Variants in PDCD1 observed in about 807,000 individuals in gnomAD.
The protein encoded by PDCD1 is programmed cell death protein 1.
Under a neutral mutation model 23.6 loss-of-function variants are expected in PDCD1, and 10 were observed. The ratio of observed to expected loss-of-function variants is 0.42; its 90% CI spans 0.26 to 0.72. The LOEUF (loss-of-function observed/expected upper bound fraction) is 0.72. Ranked by LOEUF, PDCD1 falls within the 30% of genes least tolerant of loss-of-function variation. The pLI, the probability that PDCD1 is intolerant of heterozygous loss-of-function variation, is 0.24. For synonymous variants in PDCD1, 168 were observed against 169.3 expected, an observed-to-expected ratio of 0.99 and a Z score of 0.06; for missense variants, 313 against 397.8, an observed-to-expected ratio of 0.79 and a Z score of 1.81.
In PDCD1 at chr2:241,851,259, G is replaced by A; in HGVS notation, c.666C>T (p.Asp222=). ...DPSAVPVFSV[D]YGELDFQWRE... ...GCCACTGGAAATCCAGCTCCCCATA[G>A]TCCACAGAGAACACAGGCACGGCTG... The change falls in exon 5 of 5, where the codon GAC becomes GAT. Residue 222 remains aspartate, a synonymous_variant. Transcript: ENST00000334409. 2.5e-6 allele frequency: 4 copies of A among 1,613,768 alleles called. No individual in the cohort carries two copies. The highest frequency in any genetic ancestry group is 3.4e-6 in the Non-Finnish European group (4 of 1,179,892).
At chr2:241,858,685 C>A (rs1575403414) in intron 1 of PDCD1, 78 bp downstream of exon 1, 11 of 1,319,390 alleles carry the variant, frequency 8.3e-6, no homozygotes, top group African/African-American at 7.3e-5. Context: ...TCAGCACCCC[C>A]CGACCTGCCA....
At chr2:241,857,329 G>A (rs1275258626) in intron 1 of PDCD1, among the ~76,000 whole-genome samples, 3 of 152,228 alleles carry the variant, frequency 2.0e-5, no homozygotes, top group Admixed American at 6.5e-5. Flanking sequence ...ACCTGTGAGA[G>A]TCTTGTCCGG....
Position 241,858,744 on chromosome 2 carries a change from G to A in PDCD1, c.76+19C>T. The A allele has an allele frequency of 6.4e-7, 1 of 1,572,776 alleles. No homozygotes were observed. The highest frequency in any genetic ancestry group is 1.2e-5 in the South Asian group (1 of 85,590). ...CCAGACCCCTGGCTCTGGGACACCTGACCGCCGACCCCACCTACCTAAGAA... is the reference window on the plus strand; with the variant it reads ...CCAGACCCCTGGCTCTGGGACACCTAACCGCCGACCCCACCTACCTAAGAA... On this transcript the variant is annotated intron_variant, in intron 1 of 4. Transcript: ENST00000334409.
At position 241,851,977 on chromosome 2, in the gene PDCD1, A is replaced by G. The variant is rs780608919; in HGVS notation, c.599T>C (p.Ile200Thr). ...GGGCTGGCCGGTGCGCCTGGCTCCTATTGTCCCTGCAGAGAAACACACTTG... is the reference window on the plus strand; with the variant it reads ...GGGCTGGCCGGTGCGCCTGGCTCCTGTTGTCCCTGCAGAGAAACACACTTG... ...VICSRAARGT[I>T]GARRTGQPLK... The change falls in exon 4 of 5, where the codon ATA becomes ACA. Residue 200 changes from isoleucine to threonine, a missense_variant. Transcript: ENST00000334409. 3.2e-5 allele frequency: 51 copies of G among 1,612,764 alleles called. No individual in the cohort carries two copies. The highest frequency in any genetic ancestry group is 4.5e-5 in the East Asian group (2 of 44,790).
Position 241,851,371 on chromosome 2 carries a change from G to T in PDCD1, c.628-74C>A, listed in dbSNP as rs563265314. 1.1e-4 allele frequency: 162 copies of T among 1,501,148 alleles called. 2 individuals carry two copies. Among genetic ancestry groups the T allele is most frequent in the South Asian group, 5.8e-4 (46 of 78,828 alleles). The allele number at this position is 1,501,148 out of a possible 1,614,324, so 93.0% of individuals were successfully genotyped here. On this transcript the variant is annotated intron_variant, in intron 4 of 4. Coordinates refer to ENST00000334409, the MANE Select transcript of PDCD1 (RefSeq NM_005018.3). Reference sequence around the variant, plus strand: ...AGGAGGCCCGCGGCTCCACAGCCTGGCTGCAGTACCGGCACCGAACCTGGG... The same window carrying T: ...AGGAGGCCCGCGGCTCCACAGCCTGTCTGCAGTACCGGCACCGAACCTGGG...
intron 1 of PDCD1, among the ~76,000 whole-genome samples, chr2:241,858,082 C>A (rs74000565): frequency 1.3e-5 from 2 of 152,116 alleles, no homozygotes; most frequent in Non-Finnish European, 2.9e-5. Context: ...GCCTCCCCCA[C>A]GGATGGTCTG....
chr2:241,852,553 T>G, intron 2 of PDCD1, 68 bp downstream of exon 2: 1 of 1,558,096 alleles, frequency 6.4e-7, no homozygotes, highest in Non-Finnish European at 8.7e-7. Flanking sequence ...CCTGATCCTG[T>G]GCAGGAGGGG....
rs1201380182 is a variant in PDCD1, at chr2:241,850,248, C to T, written c.*810G>A. 2.1e-5 allele frequency: 5 copies of T among 233,342 alleles called. No individual in the cohort carries two copies. The highest frequency in any genetic ancestry group is 4.2e-5 in the Non-Finnish European group (5 of 118,166). The allele number at this position is 233,342 out of a possible 1,614,324, so 14.5% of individuals were successfully genotyped here. On this transcript the variant is annotated 3_prime_UTR_variant, in exon 5 of 5. Coordinates refer to ENST00000334409, the MANE Select transcript of PDCD1 (RefSeq NM_005018.3). ...AGCTGGGAGGGGCCTGAGTCAACCCCAGCCCTGCCCTCCTGACCTTGGGAC... is the reference window on the plus strand; with the variant it reads ...AGCTGGGAGGGGCCTGAGTCAACCCTAGCCCTGCCCTCCTGACCTTGGGAC...
chr2:241,852,544 C>T (rs1190475607), intron 2 of PDCD1, 77 bp downstream of exon 2: 5 of 1,536,694 alleles, frequency 3.3e-6, no homozygotes, highest in African/African-American at 1.4e-5. Flanking sequence ...CCTGGAGCTC[C>T]TGATCCTGTG....
chr2:241,851,299 T>A lies in PDCD1; in HGVS notation c.628-2A>T, dbSNP rs763477932. 21 of 1,602,036 alleles carry A rather than the reference T, an allele frequency of 1.3e-5. No homozygotes were observed. Among genetic ancestry groups the A allele is most frequent in the Non-Finnish European group, 8.5e-7 (1 of 1,172,346 alleles). ...AGGCACGGCTGAGGGGTCCTCCTTC[T>A]TTGAGGAGAAAGGGAGAGGGAGTCA... On this transcript the variant is annotated splice_acceptor_variant, in intron 4 of 4. Transcript: ENST00000334409. LOFTEE classifies it high-confidence loss of function.
chr2:241,853,593 G>A (rs1033360424), intron 1 of PDCD1, among the ~76,000 whole-genome samples: 3 of 152,374 alleles, frequency 2.0e-5, no homozygotes, highest in South Asian at 2.1e-4. Context: ...CTTCAGAGAC[G>A]AGATGGGCCA....
chr2:241,857,402 G>C (rs891969050), intron 1 of PDCD1, among the ~76,000 whole-genome samples: 4 of 152,158 alleles, frequency 2.6e-5, no homozygotes, highest in African/African-American at 9.7e-5. Context: ...TATCTTTCCC[G>C]CCTGGGTCGG....
intron 1 of PDCD1, among the ~76,000 whole-genome samples, chr2:241,853,593 G>T (rs1033360424): frequency 2.0e-5 from 3 of 152,256 alleles, no homozygotes; most frequent in African/African-American, 7.2e-5. Context: ...CTTCAGAGAC[G>T]AGATGGGCCA....
At position 241,854,625 on chromosome 2, in the gene PDCD1, C is replaced by A. The variant is rs576181356; in HGVS notation, c.77-1645G>T. Among the ~76,000 whole-genome samples, 247 of 152,300 alleles carry A rather than the reference C, an allele frequency of 1.6e-3. 1 individual carries two copies. The highest frequency in any genetic ancestry group is 5.6e-3 in the African/African-American group (234 of 41,564). ...GGGACAGGGTGGGCTGCAGCCCTTACTGGGCCTAGGCTGGGGCTGGGTGGA... is the reference window on the plus strand; with the variant it reads ...GGGACAGGGTGGGCTGCAGCCCTTAATGGGCCTAGGCTGGGGCTGGGTGGA... On this transcript the variant is annotated intron_variant, in intron 1 of 4. Transcript: ENST00000334409.
Position 241,853,250 on chromosome 2 carries a change from T to G in PDCD1, c.77-270A>C, listed in dbSNP as rs1047721416. 3.4e-5 allele frequency among the ~76,000 whole-genome samples: 5 copies of G among 146,608 alleles called. No individual in the cohort carries two copies. The East Asian group carries it at 9.7e-4, about 28-fold the overall frequency. On this transcript the variant is annotated intron_variant, in intron 1 of 4. Transcript: ENST00000334409. ...TTTCCTACTAAGAGCCTTCACCCCC[T>G]TCCCCGTTGAGGCCAGTTCCCCCAG...
At chr2:241,855,855 G>C (rs554321868) in intron 1 of PDCD1, among the ~76,000 whole-genome samples, 1 of 152,130 alleles carries the variant, frequency 6.6e-6, no homozygotes, top group Non-Finnish European at 1.5e-5. Flanking sequence ...CCTCACAGTC[G>C]TGTGTGTGTG....
chr2:241,850,989 C>T lies in PDCD1; in HGVS notation c.*69G>A. The T allele has an allele frequency of 6.5e-7, 1 of 1,545,358 alleles. No individual in the cohort carries two copies. The highest frequency in any genetic ancestry group is 1.2e-5 in the South Asian group (1 of 80,372). ...AATGGCCTGCACCCTGCCTGCTTCT[C>T]CTGAGGAAATGCGCTGACCCGGGCT... On this transcript the variant is annotated 3_prime_UTR_variant, in exon 5 of 5. Coordinates refer to ENST00000334409, the MANE Select transcript of PDCD1 (RefSeq NM_005018.3).
In PDCD1 at chr2:241,851,207, G is replaced by A. The variant is rs1700895627; in HGVS notation, c.718C>T (p.Pro240Ser). 3.1e-6 allele frequency: 5 copies of A among 1,613,616 alleles called. No individual in the cohort carries two copies. Among genetic ancestry groups the A allele is most frequent in the Non-Finnish European group, 4.2e-6 (5 of 1,179,916 alleles). Reference sequence around the variant, plus strand: ...TACTCCGTCTGCTCAGGGACACAGGGCACGGGGGGCTCCGGGGTCTTCTCT... The same window carrying A: ...TACTCCGTCTGCTCAGGGACACAGGACACGGGGGGCTCCGGGGTCTTCTCT... Reference protein sequence around the residue: ...WREKTPEPPVPCVPEQTEYAT... With the variant: ...WREKTPEPPVSCVPEQTEYAT... The change falls in exon 5 of 5, where the codon CCC becomes TCC. Residue 240 changes from proline to serine, a missense_variant. Physicochemically the swap from Pro to Ser is moderately conservative, Grantham distance 74 (BLOSUM62 -1). Around this residue, in one of 3 missense-constraint regions of PDCD1, gnomAD observed 158 missense variants for 177.5 expected, o/e 0.89. Coordinates refer to ENST00000334409, the MANE Select transcript of PDCD1 (RefSeq NM_005018.3).
chr2:241,850,438 A>T lies in PDCD1; in HGVS notation c.*620T>A, dbSNP rs41465046. ...CCTGAGGTGCTGCCTGGGCATGTGT[A>T]AAGGTGGAGGGGTTTCCTGCCCTGC... On this transcript the variant is annotated 3_prime_UTR_variant, in exon 5 of 5. Coordinates refer to ENST00000334409, the MANE Select transcript of PDCD1 (RefSeq NM_005018.3). 3,352 of 247,192 alleles carry T rather than the reference A, an allele frequency of 0.014. 99 individuals are homozygous for T. Among genetic ancestry groups the T allele is most frequent in the African/African-American group, 0.067 (3,058 of 45,848 alleles). 15.3% of individuals were successfully genotyped at this position (247,192 alleles called of 1,614,324 possible).
Sources: allele counts gnomAD v4.1 joint callset (sites outside exome capture counted in the v4.1 genomes callset), GRCh38; gene constraint gnomAD v4.1.1; regional missense constraint gnomAD v4.1.1; transcripts MANE v1.5; gene names NCBI Gene and HGNC (gene_info 2026-07-23, HGNC 2026-07-21).